The following EML4 variants were observed in gnomAD, a reference collection of about 807,000 sequenced individuals.
The protein encoded by EML4 is EMAP like 4, also known as echinoderm microtubule-associated protein-like 4.
A neutral mutation model predicts 129.0 loss-of-function variants in EML4; 72 were observed. The ratio of observed to expected loss-of-function variants is 0.56; its 90% CI spans 0.46 to 0.68. The LOEUF is 0.68. EML4 is among the 30% of genes least tolerant of loss of function. EML4 has a pLI of 0.00. For missense variants in EML4, 1,363 were observed against 1,190.6 expected (o/e 1.14, Z -2.13); for synonymous variants, 532 against 405.0 (o/e 1.31, Z -3.77).
At position 42,331,434 on chromosome 2, in the gene EML4, TA is replaced by T. The variant is rs1670094629; in HGVS notation, c.*1228del. On this transcript the variant is annotated 3_prime_UTR_variant, in exon 23 of 23. Coordinates refer to ENST00000318522, the MANE Select transcript of EML4 (RefSeq NM_019063.5). ...TTTTTTTTAAGTTCTGTTGGCTAGC[TA>T]TGGTTTTCAGTACATTTCCTACTTT... 4 of 223,412 alleles carry T rather than the reference TA, an allele frequency of 1.8e-5. No individual in the cohort carries two copies. The highest frequency in any genetic ancestry group is 1.8e-5 in the Non-Finnish European group (2 of 111,584). 13.8% of individuals were successfully genotyped at this position (223,412 alleles called of 1,614,324 possible). A position where few individuals can be genotyped will look rare whatever the true frequency, so the allele number is the denominator to read the frequency against.
intron 6 of EML4, among the ~76,000 whole-genome samples, chr2:42,273,483 G>A (rs1666486703): frequency 6.6e-6 from 1 of 152,136 alleles, no homozygotes; most frequent in Admixed American, 6.5e-5. Flanking sequence ...CTGTAAGTTG[G>A]CTTGCTAGTG....
chr2:42,295,057 T>C lies in EML4; in HGVS notation c.1219-68T>C, dbSNP rs567104617. The stretch of plus-strand genomic sequence containing the variant: ...CCCTATCGTTAATTGTAAGTAGCAG[T>C]AATTGAATTGATACTTGAAGGAGAT... On this transcript the variant is annotated intron_variant, in intron 11 of 22. Coordinates refer to ENST00000318522, the MANE Select transcript of EML4 (RefSeq NM_019063.5). The C allele has an allele frequency of 2.2e-6, 3 of 1,368,672 alleles. No homozygotes were observed. The African/African-American group carries it at 4.4e-5, about 20-fold the overall frequency. The allele number at this position is 1,368,672 out of a possible 1,614,324, so 84.8% of individuals were successfully genotyped here.
chr2:42,331,754 C>G lies in EML4; in HGVS notation c.*1547C>G, dbSNP rs981582479. The G allele has an allele frequency of 6.3e-5, 14 of 221,174 alleles. No individual in the cohort carries two copies. Among genetic ancestry groups the G allele is most frequent in the Non-Finnish European group, 1.2e-4 (13 of 110,264 alleles). 13.7% of individuals were successfully genotyped at this position (221,174 alleles called of 1,614,324 possible). A position where few individuals can be genotyped will look rare whatever the true frequency, so the allele number is the denominator to read the frequency against. ...TAATATGAAAACTCCAGTGAACTCC[C>G]AAGGACATTTACAACATTTATATTC... On this transcript the variant is annotated 3_prime_UTR_variant, in exon 23 of 23. Coordinates refer to ENST00000318522, the MANE Select transcript of EML4 (RefSeq NM_019063.5).
At chr2:42,281,397 GA>G (rs60523483) in intron 7 of EML4, among the ~76,000 whole-genome samples, 155 of 112,042 alleles carry the variant, frequency 1.4e-3, no homozygotes, top group South Asian at 5.1e-3. Flanking sequence ...TGTCTCAAAA[GA>G]AAAAAAAAAA....
intron 2 of EML4, among the ~76,000 whole-genome samples, 178 bp downstream of exon 2, chr2:42,245,865 A>G (rs559508479): frequency 3.6e-4 from 55 of 152,278 alleles, no homozygotes; most frequent in Non-Finnish European, 5.6e-4. Flanking sequence ...TATTTAAAAT[A>G]AAGAATTTTT....
intron 6 of EML4, among the ~76,000 whole-genome samples, chr2:42,266,053 T>G (rs12613216): frequency 0.48 from 73,642 of 151,866 alleles, 18,366 homozygotes; most frequent in East Asian, 0.74. Context: ...TTATTTTCTG[T>G]TCTATTATAG....
At chr2:42,196,003 A>G (rs961945685) in intron 1 of EML4, among the ~76,000 whole-genome samples, 1 of 152,198 alleles carries the variant, frequency 6.6e-6, no homozygotes, top group African/African-American at 2.4e-5. Flanking sequence ...TCATACTTCT[A>G]TACTATACAT....
intron 17 of EML4, among the ~76,000 whole-genome samples, chr2:42,315,497 A>G (rs1669197422): frequency 6.6e-6 from 1 of 152,220 alleles, no homozygotes; most frequent in African/African-American, 2.4e-5. Context: ...ATCTAGCAGC[A>G]TTTTGCTAAA....
chr2:42,254,256 A>G (rs1675978042), intron 2 of EML4, among the ~76,000 whole-genome samples: 1 of 152,068 alleles, frequency 6.6e-6, no homozygotes, highest in African/African-American at 2.4e-5. Context: ...AGAGTTAGAG[A>G]CCAGCCTGGG....
intron 13 of EML4, among the ~76,000 whole-genome samples, chr2:42,296,703 G>A (rs1055001123): frequency 3.3e-5 from 5 of 152,038 alleles, no homozygotes; most frequent in Admixed American, 1.3e-4. Context: ...CTTAACTTTG[G>A]GTGTCAATGT....
intron 1 of EML4, among the ~76,000 whole-genome samples, chr2:42,222,251 C>T (rs1673653227): frequency 6.6e-6 from 1 of 151,860 alleles, no homozygotes; most frequent in Non-Finnish European, 1.5e-5. Flanking sequence ...AAATTTTTTG[C>T]AAGATAACCC....
chr2:42,228,261 T>A (rs1442320009), intron 1 of EML4, among the ~76,000 whole-genome samples: 8 of 151,398 alleles, frequency 5.3e-5, no homozygotes, highest in Non-Finnish European at 1.0e-4. Flanking sequence ...TACTTGAAAA[T>A]TGCTAAGAGA....
intron 1 of EML4, among the ~76,000 whole-genome samples, chr2:42,238,772 C>A (rs544279611): frequency 6.6e-6 from 1 of 152,176 alleles, no homozygotes; most frequent in East Asian, 1.9e-4. Flanking sequence ...ACCTGGCTAA[C>A]TTTTAAAAAA....
At position 42,325,798 on chromosome 2, in the gene EML4, ATTAATG is replaced by A. The variant is rs546252923; in HGVS notation, c.2242+250_2242+255del. ...TGATTCACTTCTCCAAGAGTAATGA[ATTAATG>A]TTAATAGTGTAGAACAGAAGGCACA... is the stretch of plus-strand genomic sequence containing the variant. On this transcript the variant is annotated intron_variant, in intron 20 of 22. Transcript: ENST00000318522. Among the ~76,000 whole-genome samples the A allele has an allele frequency of 2.9e-3, 432 of 151,556 alleles. 4 individuals are homozygous for A. The highest frequency in any genetic ancestry group is 8.9e-3 in the African/African-American group (370 of 41,426).
At chr2:42,232,535 G>T (rs1488814900) in intron 1 of EML4, among the ~76,000 whole-genome samples, 1 of 152,082 alleles carries the variant, frequency 6.6e-6, no homozygotes, top group Admixed American at 6.5e-5. Context: ...TTCCTTCCTA[G>T]CCTGTAATGT....
Position 42,280,901 on chromosome 2 carries a change from T to G in EML4, c.719T>G (p.Ile240Ser). 1 of 1,612,342 alleles carries G rather than the reference T, an allele frequency of 6.2e-7. No homozygotes were observed. The highest frequency in any genetic ancestry group is 8.5e-7 in the Non-Finnish European group (1 of 1,178,878). The change falls in exon 7 of 23, where the codon ATT becomes AGT. Residue 240 changes from isoleucine (I) to serine (S), a missense_variant. Ile to Ser is a moderately radical substitution (Grantham distance 142, BLOSUM62 -2). Coordinates refer to ENST00000318522, the MANE Select transcript of EML4 (RefSeq NM_019063.5). ...FMRGRPITMF[I>S]PSDVDNYDDI... ...CGCGGTCGGCCAATTACCATGTTCA[T>G]TCCTTCCGATGTTGACAACTATGAT...
At chr2:42,181,940 A>G (rs1670968216) in intron 1 of EML4, among the ~76,000 whole-genome samples, 1 of 152,156 alleles carries the variant, frequency 6.6e-6, no homozygotes, top group Admixed American at 6.5e-5. Flanking sequence ...TTATGTACAT[A>G]TGTGTGTGGC....
chr2:42,248,672 CCTTA>C (rs1326685196), intron 2 of EML4, among the ~76,000 whole-genome samples: 1 of 151,940 alleles, frequency 6.6e-6, no homozygotes, highest in Non-Finnish European at 1.5e-5. Flanking sequence ...TTTTTAATAA[CCTTA>C]CTAATTAGAG....
At chr2:42,264,564 A>C (rs897459877) in intron 5 of EML4, 142 bp from the exon 6 acceptor site, 5 of 626,398 alleles carry the variant, frequency 8.0e-6, no homozygotes, top group Middle Eastern at 4.3e-4. Flanking sequence ...ACTTTAAAAA[A>C]TGCTGATTTC....
Sources: gnomAD v4.1 joint callset for allele counts (sites outside exome capture counted in the v4.1 genomes callset) on GRCh38, gnomAD v4.1.1 for gene constraint, MANE v1.5 for transcripts, NCBI Gene and HGNC (gene_info 2026-07-23, HGNC 2026-07-21) for gene names.